Variants in FHIT observed in about 807,000 individuals in gnomAD.
FHIT encodes fragile histidine triad diadenosine triphosphatase.
FHIT carries 19 observed loss-of-function variants against 17.9 expected under a neutral mutation model. The observed-to-expected ratio is 1.06, with a 90% CI of 0.74 to 1.56. The LOEUF (loss-of-function observed/expected upper bound fraction) is 1.56, where lower values mean the gene tolerates loss of function less well. Ranked by LOEUF, FHIT falls within the 40% of genes most tolerant of loss-of-function variation. The pLI is 0.00. For missense variants in FHIT, 248 were observed against 189.2 expected (o/e 1.31, Z -1.82); for synonymous variants, 81 against 69.7 (o/e 1.16, Z -0.81).
chr3:60,728,942 G>T lies in FHIT; in HGVS notation c.-18+92977C>A, dbSNP rs571843412. Among the ~76,000 whole-genome samples, 5 of 152,154 alleles carry T rather than the reference G, an allele frequency of 3.3e-5. No homozygotes were observed. The East Asian group carries it at 9.6e-4, about 29-fold the overall frequency. ...ATACATCAGTCACAACATAATCCTG[G>T]ATCATCCCCACATCAAAACCAGATG... On this transcript the variant is annotated intron_variant, in intron 4 of 9. Transcript: ENST00000492590.
chr3:60,580,838 A>G (rs1024525888), intron 4 of FHIT, among the ~76,000 whole-genome samples: 5 of 152,108 alleles, frequency 3.3e-5, no homozygotes, highest in Non-Finnish European at 5.9e-5. Flanking sequence ...GAGTGCCATG[A>G]TTGATGAGTG....
At chr3:60,441,892 T>C (rs1017082149) in intron 5 of FHIT, among the ~76,000 whole-genome samples, 26 of 145,294 alleles carry the variant, frequency 1.8e-4, no homozygotes, top group Non-Finnish European at 2.4e-4. Flanking sequence ...AAGGACTCGC[T>C]CTGTCACCCA....
chr3:60,220,452 A>C (rs888571024), intron 5 of FHIT, among the ~76,000 whole-genome samples: 11 of 152,136 alleles, frequency 7.2e-5, no homozygotes, highest in African/African-American at 2.7e-4. Context: ...AAAAAAAATA[A>C]ATCAACTGAC....
chr3:60,440,851 A>T (rs1241732503), intron 5 of FHIT, among the ~76,000 whole-genome samples: 2 of 152,122 alleles, frequency 1.3e-5, no homozygotes, highest in East Asian at 3.9e-4. Flanking sequence ...GAGGAACTCA[A>T]CCAAAGTACA....
intron 7 of FHIT, among the ~76,000 whole-genome samples, chr3:59,987,046 TAAAA>T (rs374824078): frequency 0.33 from 44,549 of 134,848 alleles, 8,766 homozygotes; most frequent in East Asian, 0.5. Flanking sequence ...ATAAAATATA[TAAAA>T]ATATAAAATA....
chr3:60,058,537 G>T (rs1465735664), intron 5 of FHIT, among the ~76,000 whole-genome samples: 2 of 152,140 alleles, frequency 1.3e-5, no homozygotes, highest in Admixed American at 6.5e-5. Flanking sequence ...AGTTAGAAAT[G>T]GTTAACATGC....
intron 7 of FHIT, among the ~76,000 whole-genome samples, chr3:59,951,918 T>A (rs1707136108): frequency 1.3e-5 from 2 of 152,124 alleles, no homozygotes; most frequent in African/African-American, 2.4e-5. Context: ...GGCTCAATAG[T>A]CTCCTGCTTC....
chr3:59,811,913 C>T (rs928843041), intron 8 of FHIT, among the ~76,000 whole-genome samples: 1 of 152,192 alleles, frequency 6.6e-6, no homozygotes, highest in African/African-American at 2.4e-5. Context: ...ATTCCCACAG[C>T]CTCACAGGCC....
intron 7 of FHIT, among the ~76,000 whole-genome samples, chr3:59,972,896 G>A (rs188053853): frequency 2.0e-4 from 30 of 152,116 alleles, no homozygotes; most frequent in Admixed American, 1.8e-3. Context: ...TCTACATGTT[G>A]CTCTTCAGTC....
At chr3:60,224,854 G>A (rs1704122277) in intron 5 of FHIT, among the ~76,000 whole-genome samples, 1 of 151,922 alleles carries the variant, frequency 6.6e-6, no homozygotes, top group African/African-American at 2.4e-5. Flanking sequence ...TTGAATAGCT[G>A]GGATTACAGG....
intron 3 of FHIT, among the ~76,000 whole-genome samples, chr3:60,907,307 G>C: frequency 6.6e-6 from 1 of 152,296 alleles, no homozygotes; most frequent in East Asian, 1.9e-4. Context: ...CAATTGGACA[G>C]ATCCACATTG....
chr3:60,803,619 G>A (rs1417437912), intron 4 of FHIT, among the ~76,000 whole-genome samples: 2 of 152,142 alleles, frequency 1.3e-5, no homozygotes, highest in African/African-American at 4.8e-5. Context: ...GAGAAAGAGG[G>A]GCAGCTTTTC....
At chr3:60,325,980 A>G (rs1440222283) in intron 5 of FHIT, among the ~76,000 whole-genome samples, 1 of 152,196 alleles carries the variant, frequency 6.6e-6, no homozygotes, top group African/African-American at 2.4e-5. Flanking sequence ...TGATGCAAAT[A>G]CTATCAAGCG....
chr3:61,090,063 T>C lies in FHIT; in HGVS notation c.-163-47964A>G, dbSNP rs2035433166. Among the ~76,000 whole-genome samples the C allele has an allele frequency of 2.0e-5, 3 of 152,214 alleles. No homozygotes were observed. In the South Asian group the frequency reaches 6.2e-4, roughly 32 times the overall value. On this transcript the variant is annotated intron_variant, in intron 2 of 9. Transcript: ENST00000492590. ...AATGCCAAAATCAAAGAGGTTTTTA[T>C]AAAGCTAAATATATATTTAATTATT...
At chr3:61,116,091 C>G (rs1285095970) in intron 2 of FHIT, among the ~76,000 whole-genome samples, 1 of 151,952 alleles carries the variant, frequency 6.6e-6, no homozygotes, top group Non-Finnish European at 1.5e-5. Context: ...ACATTTACAA[C>G]AGGTAACTAG....
chr3:60,763,722 T>C (rs1575494611), intron 4 of FHIT, among the ~76,000 whole-genome samples: 1 of 152,188 alleles, frequency 6.6e-6, no homozygotes, highest in Non-Finnish European at 1.5e-5. Context: ...AAAAATGGGG[T>C]ATGCACATTG....
chr3:60,161,324 C>T (rs955396619), intron 5 of FHIT, among the ~76,000 whole-genome samples: 2 of 152,220 alleles, frequency 1.3e-5, no homozygotes, highest in African/African-American at 2.4e-5. Flanking sequence ...GGCACAACGT[C>T]TGCCTGCCTG....
Position 60,552,244 on chromosome 3 carries a change from A to C in FHIT, c.-17-15265T>G, listed in dbSNP as rs145029431. ...TTTCTCCATTCATCAGTTGATGGAC[A>C]TTTGTTACTACATTTTTGGACGTTT... is the stretch of plus-strand genomic sequence containing the variant. On this transcript the variant is annotated intron_variant, in intron 4 of 9. Coordinates refer to ENST00000492590, the MANE Select transcript of FHIT (RefSeq NM_002012.4). Among the ~76,000 whole-genome samples the C allele has an allele frequency of 2.0e-3, 308 of 152,284 alleles. 1 individual carries two copies. Among genetic ancestry groups the C allele is most frequent in the Non-Finnish European group, 3.5e-3 (236 of 68,012 alleles).
chr3:61,105,905 GCCAA>G (rs2035976030), intron 2 of FHIT, among the ~76,000 whole-genome samples: 2 of 152,230 alleles, frequency 1.3e-5, no homozygotes, highest in African/African-American at 4.8e-5. Flanking sequence ...GTAAAAGGCA[GCCAA>G]ACCTCTCATT....
Sources: gnomAD v4.1 joint callset for allele counts (sites outside exome capture counted in the v4.1 genomes callset) on GRCh38, gnomAD v4.1.1 for gene constraint, MANE v1.5 for transcripts, NCBI Gene and HGNC (gene_info 2026-07-23, HGNC 2026-07-21) for gene names.